The following TNRC6C variants were observed in gnomAD, a reference collection of about 807,000 sequenced individuals.
TNRC6C encodes trinucleotide repeat containing adaptor 6C.
In TNRC6C, 20 loss-of-function variants were observed where a neutral mutation model predicts 153.7. The observed-to-expected ratio is 0.13, with a 90% CI of 0.09 to 0.19. The LOEUF (loss-of-function observed/expected upper bound fraction) is 0.19. TNRC6C is among the 10% of genes least tolerant of loss of function. The probability of loss-of-function intolerance (pLI) is 1.00; values close to 1 mark genes in which losing one functional copy is unlikely to be tolerated. For synonymous variants in TNRC6C, 811 were observed against 841.4 expected (o/e 0.96, Z 0.63); for missense variants, 1,987 against 2,172.0 (o/e 0.91, Z 1.69).
At chr17:78,064,592 A>C in intron 3 of TNRC6C, 130 bp from the exon 6 acceptor site, 1 of 878,822 alleles carries the variant, frequency 1.1e-6, no homozygotes. Context: ...GCCTCCTTTA[A>C]ATTTTCTACT....
chr17:78,091,567 C>T (rs746613578), exon 14 of TNRC6C: 2 of 1,592,570 alleles, frequency 1.3e-6, no homozygotes, highest in Admixed American at 1.8e-5. Context: ...ATAACTTGCC[C>T]AGTGCCGCTT....
intron 1 of TNRC6C, among the ~76,000 whole-genome samples, chr17:77,962,455 A>G (rs900478137): frequency 6.6e-6 from 1 of 152,184 alleles, no homozygotes; most frequent in Non-Finnish European, 1.5e-5. Flanking sequence ...AACACATGGG[A>G]CAATTAAGAT....
intron 1 of TNRC6C, among the ~76,000 whole-genome samples, chr17:77,985,217 T>C (rs1423437724): frequency 3.3e-5 from 5 of 152,192 alleles, no homozygotes; most frequent in Non-Finnish European, 5.9e-5. Context: ...ACTGAGGTCC[T>C]TGTTTCCTTG....
chr17:78,094,665 C>T (rs2073452389), intron 16 of TNRC6C, among the ~76,000 whole-genome samples: 1 of 152,178 alleles, frequency 6.6e-6, no homozygotes, highest in East Asian at 1.9e-4. Context: ...ATCTCGAACT[C>T]CTGACCTCAA....
intron 1 of TNRC6C, among the ~76,000 whole-genome samples, chr17:77,986,657 G>A (rs997158529): frequency 3.9e-5 from 6 of 152,254 alleles, no homozygotes; most frequent in African/African-American, 1.4e-4. Flanking sequence ...CCTAGTGGTA[G>A]CAGATAACCA....
intron 1 of TNRC6C, among the ~76,000 whole-genome samples, chr17:77,973,995 G>A (rs1239982796): frequency 7.1e-6 from 1 of 140,584 alleles, no homozygotes; most frequent in Non-Finnish European, 1.5e-5. Context: ...TAAATTGACA[G>A]GCCAATTCTA....
In TNRC6C at chr17:78,057,169, G is replaced by A. The variant is rs148036511; in HGVS notation, c.2395+5712G>A. ...AAGTTTAGTATATTGTACAACATAT[G>A]GGGTTATTTGTTCATTTTTTTCATT... On this transcript the variant is annotated intron_variant, in intron 3 of 19. Transcript: ENST00000301624. Among the ~76,000 whole-genome samples, 392 of 152,238 alleles carry A rather than the reference G, an allele frequency of 2.6e-3. 1 individual carries two copies. The highest frequency in any genetic ancestry group is 4.7e-3 in the Non-Finnish European group (319 of 68,014).
intron 1 of TNRC6C, among the ~76,000 whole-genome samples, chr17:77,978,337 A>T (rs767114288): frequency 6.6e-6 from 1 of 152,226 alleles, no homozygotes; most frequent in Non-Finnish European, 1.5e-5. Context: ...AAGTAAATTC[A>T]TAAGATTATC....
intron 17 of TNRC6C, among the ~76,000 whole-genome samples, chr17:78,101,765 TC>T (rs1475887041): frequency 6.6e-6 from 1 of 152,210 alleles, no homozygotes; most frequent in African/African-American, 2.4e-5. Context: ...CACAGATCGC[TC>T]GTGCTACTGT....
At chr17:78,031,943 C>CA (rs2072084027) in intron 2 of TNRC6C, 101 bp downstream of exon 4, 1 of 938,318 alleles carries the variant, frequency 1.1e-6, no homozygotes, top group Non-Finnish European at 1.4e-6. Context: ...GGTCCATACT[C>CA]ACAACATACA....
upstream of TNRC6C, among the ~76,000 whole-genome samples, chr17:78,002,774 A>G (rs1238510195): frequency 2.0e-5 from 3 of 152,184 alleles, no homozygotes; most frequent in Admixed American, 2.0e-4. Context: ...TATTAAATGA[A>G]TCAGTCCCCA....
intron 1 of TNRC6C, among the ~76,000 whole-genome samples, chr17:77,970,514 TTCAGGAGAGATA>T (rs1185804648): frequency 6.6e-6 from 1 of 152,198 alleles, no homozygotes; most frequent in Non-Finnish European, 1.5e-5. Flanking sequence ...TATCACAACT[TTCAGGAGAGATA>T]TATGTTAAAT....
At chr17:78,030,719 G>A (rs547357326) in intron 1 of TNRC6C, among the ~76,000 whole-genome samples, 6 of 152,178 alleles carry the variant, frequency 3.9e-5, no homozygotes, top group Admixed American at 6.5e-5. Context: ...AGATTCCTTC[G>A]TTTTATAAAT....
intron 1 of TNRC6C, among the ~76,000 whole-genome samples, chr17:77,970,655 T>G (rs2070933345): frequency 6.6e-6 from 1 of 150,870 alleles, no homozygotes; most frequent in Admixed American, 6.6e-5. Context: ...ACTATGAGAT[T>G]TGTGTGTGTG....
chr17:77,966,427 T>C (rs1156730427), intron 1 of TNRC6C, among the ~76,000 whole-genome samples: 3 of 152,206 alleles, frequency 2.0e-5, no homozygotes. Context: ...TGAAAAGCTG[T>C]TACAAAGAAT....
chr17:78,013,312 C>T (rs1485746435), intron 1 of TNRC6C, among the ~76,000 whole-genome samples: 5 of 152,074 alleles, frequency 3.3e-5, no homozygotes, highest in African/African-American at 9.7e-5. Flanking sequence ...GAATTGAAGA[C>T]GAATTAAACA....
At chr17:78,107,028 G>T (rs1048628701) in exon 20 of TNRC6C, 2 of 152,134 alleles carry the variant, frequency 1.3e-5, no homozygotes, top group Non-Finnish European at 2.9e-5. Context: ...TCCTCAGAGT[G>T]ACTGCATCTC....
At chr17:77,966,371 G>T (rs1022947872) in intron 1 of TNRC6C, among the ~76,000 whole-genome samples, 1 of 152,178 alleles carries the variant, frequency 6.6e-6, no homozygotes, top group Non-Finnish European at 1.5e-5. Context: ...ACTGGCTGTT[G>T]TAGCTGTCTG....
chr17:78,033,233 T>C (rs1020333877), intron 2 of TNRC6C, among the ~76,000 whole-genome samples: 1 of 152,266 alleles, frequency 6.6e-6, no homozygotes, highest in African/African-American at 2.4e-5. Context: ...TGCAGAATGT[T>C]ACTGGTATCT....
Sources: gnomAD v4.1 joint callset for allele counts (sites outside exome capture counted in the v4.1 genomes callset) on GRCh38, gnomAD v4.1.1 for gene constraint, MANE v1.5 for transcripts, NCBI Gene and HGNC (gene_info 2026-07-23, HGNC 2026-07-21) for gene names.